Variants in PARD3B observed in about 807,000 individuals in gnomAD.
PARD3B encodes the protein par-3 family cell polarity regulator beta.
In PARD3B, 103 loss-of-function variants were observed where a neutral mutation model predicts 130.2. The observed-to-expected ratio is 0.79, with a 90% CI of 0.67 to 0.93. PARD3B has a LOEUF of 0.93. Among genes scored for constraint, PARD3B ranks in the 40% least tolerant of loss-of-function variants. The probability of loss-of-function intolerance (pLI) is 0.00; values close to 1 mark genes in which losing one functional copy is unlikely to be tolerated. For missense variants in PARD3B, 1,609 were observed against 1,499.2 expected (o/e 1.07, Z -1.21); for synonymous variants, 583 against 553.2 (o/e 1.05, Z -0.76).
intron 1 of PARD3B, among the ~76,000 whole-genome samples, chr2:204,629,810 A>G (rs1281595803): frequency 2.6e-5 from 4 of 152,204 alleles, no homozygotes; most frequent in Non-Finnish European, 5.9e-5. Context: ...TCTTATTGAA[A>G]TGTGTCTCTA....
At chr2:204,843,914 T>G (rs1219582537) in intron 2 of PARD3B, among the ~76,000 whole-genome samples, 1 of 152,168 alleles carries the variant, frequency 6.6e-6, no homozygotes, top group Non-Finnish European at 1.5e-5. Context: ...CAAAATTTTT[T>G]TGCGACCTGA....
chr2:204,676,185 C>A (rs962357073), intron 1 of PARD3B, among the ~76,000 whole-genome samples: 2 of 151,538 alleles, frequency 1.3e-5, no homozygotes, highest in Non-Finnish European at 1.5e-5. Context: ...ACAGCCTATT[C>A]AAAAATAATG....
intron 2 of PARD3B, among the ~76,000 whole-genome samples, chr2:204,766,044 T>C (rs2041130176): frequency 6.6e-6 from 1 of 152,212 alleles, no homozygotes; most frequent in South Asian, 2.1e-4. Context: ...TTTGTGATTG[T>C]CTTTCCTCCC....
intron 22 of PARD3B, among the ~76,000 whole-genome samples, chr2:205,586,815 CA>C (rs1487663547): frequency 6.6e-6 from 1 of 152,044 alleles, no homozygotes; most frequent in Non-Finnish European, 1.5e-5. Context: ...TTCTTTTGTA[CA>C]AAGGCCATTG....
rs745891733 is a variant in PARD3B at position 205,440,500 on chromosome 2, C to T, written c.2872C>T (p.His958Tyr). The change falls in exon 20 of 23, where the codon CAC becomes TAC. Residue 958 changes from histidine to tyrosine, a missense_variant. Transcript: ENST00000406610. The surrounding 1 kb of genome is among the most constrained non-coding windows in gnomAD (Gnocchi z 4.2). ...GGACCCCAATTATGCCAGAGTGAAC[C>T]ACTTTCGGGAACCATGCACATCAGC... The part of the protein sequence containing the change: ...EMDPNYARVN[H>Y]FREPCTSANV... 4.3e-6 allele frequency: 7 copies of T among 1,613,896 alleles called. No homozygotes were observed. Among genetic ancestry groups the T allele is most frequent in the Non-Finnish European group, 5.9e-6 (7 of 1,179,994 alleles).
At position 204,584,222 on chromosome 2, in the gene PARD3B, A is replaced by T. The variant is rs1190010004; in HGVS notation, c.120+38103A>T. 2.6e-5 allele frequency among the ~76,000 whole-genome samples: 4 copies of T among 152,316 alleles called. No individual in the cohort carries two copies. In the East Asian group the frequency reaches 5.8e-4, roughly 22 times the overall value. On this transcript the variant is annotated intron_variant, in intron 1 of 22. Coordinates refer to ENST00000406610, the MANE Select transcript of PARD3B (RefSeq NM_001302769.2). ...AATGTGATGGGGATGGAGATGGGGC[A>T]ATAGGGCCAGACCTTGGATCAGGTC... is the stretch of plus-strand genomic sequence containing the variant.
chr2:205,302,039 C>CCTATTCT, intron 18 of PARD3B: 1 of 466,884 alleles, frequency 2.1e-6, no homozygotes, highest in Non-Finnish European at 3.7e-6. Flanking sequence ...GTAGGGAGAC[C>CCTATTCT]CTATTCTTTT....
intron 10 of PARD3B, among the ~76,000 whole-genome samples, chr2:205,130,192 T>A (rs1208746988): frequency 1.3e-5 from 2 of 152,186 alleles, no homozygotes; most frequent in Non-Finnish European, 2.9e-5. Context: ...GGTGTTCACA[T>A]AAGGAACAGT....
rs1456740381 is a variant in PARD3B, at chr2:205,573,162, C to T, written c.3260+19759C>T. Among the ~76,000 whole-genome samples, 5 of 152,076 alleles carry T rather than the reference C, an allele frequency of 3.3e-5. No homozygotes were observed. In the East Asian group the frequency reaches 5.8e-4, roughly 18 times the overall value. ...ACCTCCCACCGGTTCCCTACCATGA[C>T]GTGGGGATTATGGAAACTATAGTTC... is the stretch of plus-strand genomic sequence containing the variant. On this transcript the variant is annotated intron_variant, in intron 22 of 22. Coordinates refer to ENST00000406610, the MANE Select transcript of PARD3B (RefSeq NM_001302769.2).
intron 22 of PARD3B, among the ~76,000 whole-genome samples, chr2:205,607,408 A>C (rs1215445449): frequency 6.6e-6 from 1 of 152,202 alleles, no homozygotes; most frequent in African/African-American, 2.4e-5. Flanking sequence ...TCAGGCATGC[A>C]GCCTCTGGGT....
At chr2:205,469,809 C>A (rs183274627) in intron 20 of PARD3B, among the ~76,000 whole-genome samples, 100 of 152,310 alleles carry the variant, frequency 6.6e-4, no homozygotes, top group African/African-American at 2.2e-3. Context: ...ATTTGCTTCC[C>A]CCATTTTAAA....
intron 18 of PARD3B, among the ~76,000 whole-genome samples, chr2:205,311,868 G>T (rs2042398378): frequency 1.3e-5 from 2 of 152,068 alleles, no homozygotes; most frequent in South Asian, 2.1e-4. Context: ...GTTTTGTTTT[G>T]CTTTTCTTTC....
At chr2:204,800,779 C>G (rs2042539626) in intron 2 of PARD3B, among the ~76,000 whole-genome samples, 1 of 152,186 alleles carries the variant, frequency 6.6e-6, no homozygotes, top group Non-Finnish European at 1.5e-5. Flanking sequence ...GTCATGAAGT[C>G]TTTGCCCATG....
intron 4 of PARD3B, among the ~76,000 whole-genome samples, chr2:205,096,353 T>C (rs1404421797): frequency 6.6e-6 from 1 of 152,178 alleles, no homozygotes; most frequent in Non-Finnish European, 1.5e-5. Context: ...TCTTTTGTGT[T>C]AGACCAGAAT....
intron 1 of PARD3B, among the ~76,000 whole-genome samples, chr2:204,614,875 T>G (rs2034053149): frequency 6.6e-6 from 1 of 152,178 alleles, no homozygotes; most frequent in African/African-American, 2.4e-5. Flanking sequence ...CTCTATATCC[T>G]GCAGAACCAT....
At chr2:204,561,848 C>G (rs1247807743) in intron 1 of PARD3B, among the ~76,000 whole-genome samples, 1 of 152,004 alleles carries the variant, frequency 6.6e-6, no homozygotes, top group Non-Finnish European at 1.5e-5. Flanking sequence ...CCACCAGCCT[C>G]GGGCTCCCAA....
chr2:204,806,053 C>T (rs1300720382), intron 2 of PARD3B, among the ~76,000 whole-genome samples: 1 of 152,024 alleles, frequency 6.6e-6, no homozygotes, highest in Non-Finnish European at 1.5e-5. Context: ...CTAAAATGTA[C>T]GTTCTGCCCA....
At chr2:205,110,299 T>C (rs550248973) in intron 5 of PARD3B, among the ~76,000 whole-genome samples, 24 of 152,354 alleles carry the variant, frequency 1.6e-4, no homozygotes, top group Admixed American at 5.2e-4. Flanking sequence ...TTCTTCTGGA[T>C]GGAAACCAAA....
At position 205,287,210 on chromosome 2, in the gene PARD3B, G is replaced by A. The variant is rs949147915; in HGVS notation, c.2186-13320G>A. Among the ~76,000 whole-genome samples, 1 of 152,206 alleles carries A rather than the reference G, an allele frequency of 6.6e-6. No individual in the cohort carries two copies. Among genetic ancestry groups the A allele is most frequent in the African/African-American group, 2.4e-5 (1 of 41,456 alleles). The stretch of plus-strand genomic sequence containing the variant: ...AACTGGTGGTAACATGGATTGTTAT[G>A]TGGATGAGAGATTGGAGAATAGAAT... On this transcript the variant is annotated intron_variant, in intron 16 of 22. Transcript: ENST00000406610. The surrounding 1 kb of genome is among the most constrained non-coding windows in gnomAD (Gnocchi z 4.8).
Sources: gnomAD v4.1 joint callset for allele counts (sites outside exome capture counted in the v4.1 genomes callset) on GRCh38, gnomAD v4.1.1 for gene constraint, Gnocchi (gnomAD v3.1) non-coding constraint, MANE v1.5 for transcripts, NCBI Gene and HGNC (gene_info 2026-07-23, HGNC 2026-07-21) for gene names.